Variants in KSR2 observed in about 807,000 individuals in gnomAD.
The protein encoded by KSR2 is kinase suppressor of ras 2.
KSR2 carries 25 observed loss-of-function variants against 107.8 expected under a neutral mutation model. The ratio of observed to expected loss-of-function variants is 0.23; its 90% CI spans 0.17 to 0.32. The LOEUF (loss-of-function observed/expected upper bound fraction) is 0.32. Ranked by LOEUF, KSR2 falls within the 10% of genes least tolerant of loss-of-function variation. KSR2 has a pLI of 1.00. For synonymous variants in KSR2, 480 were observed against 507.0 expected, an observed-to-expected ratio of 0.95 and a Z score of 0.71; for missense variants, 887 against 1,268.9, an observed-to-expected ratio of 0.70 and a Z score of 4.57.
intron 15 of KSR2, 84 bp downstream of exon 15, chr12:117,485,511 T>G (rs965965989): frequency 1.6e-5 from 16 of 992,002 alleles, no homozygotes; most frequent in Non-Finnish European, 2.5e-5. Context: ...CCATGAATCT[T>G]AGGAGCCCTG....
intron 5 of KSR2, among the ~76,000 whole-genome samples, chr12:117,596,052 T>G (rs954638679): frequency 5.4e-5 from 8 of 147,670 alleles, no homozygotes; most frequent in Non-Finnish European, 8.9e-5. Flanking sequence ...CTTTTTCCCT[T>G]CCCTCCCCTC....
chr12:117,816,114 C>G (rs562006657), intron 3 of KSR2, among the ~76,000 whole-genome samples: 1 of 150,960 alleles, frequency 6.6e-6, no homozygotes, highest in East Asian at 2.0e-4. Flanking sequence ...TGATCTTGGG[C>G]AGGAGTTTGT....
At chr12:117,918,068 G>A (rs1053149921) in intron 1 of KSR2, among the ~76,000 whole-genome samples, 2 of 152,142 alleles carry the variant, frequency 1.3e-5, no homozygotes, top group African/African-American at 2.4e-5. Context: ...TCCTCAGACT[G>A]AGGTCATGGC....
At chr12:117,763,270 T>C (rs1047381959) in intron 3 of KSR2, among the ~76,000 whole-genome samples, 2 of 152,104 alleles carry the variant, frequency 1.3e-5, no homozygotes, top group African/African-American at 4.8e-5. Flanking sequence ...TGTGCCACAT[T>C]TTCTTAATCC....
intron 1 of KSR2, among the ~76,000 whole-genome samples, chr12:117,929,305 A>T (rs944249101): frequency 1.3e-5 from 2 of 152,198 alleles, no homozygotes; most frequent in Non-Finnish European, 2.9e-5. Flanking sequence ...GAGATAATTG[A>T]ATCATGGGGG....
intron 3 of KSR2, among the ~76,000 whole-genome samples, chr12:117,774,546 C>T (rs77642513): frequency 6.6e-6 from 1 of 152,114 alleles, no homozygotes; most frequent in African/African-American, 2.4e-5. Flanking sequence ...ATGCCTCCCA[C>T]GTCCTGCTCT....
At chr12:117,853,228 T>C (rs1312661204) in intron 3 of KSR2, among the ~76,000 whole-genome samples, 4 of 152,104 alleles carry the variant, frequency 2.6e-5, no homozygotes, top group Non-Finnish European at 5.9e-5. Context: ...ATAGGAAAAA[T>C]ATGGATATTT....
At chr12:117,849,821 T>C (rs1892851153) in intron 3 of KSR2, among the ~76,000 whole-genome samples, 1 of 152,234 alleles carries the variant, frequency 6.6e-6, no homozygotes, top group Non-Finnish European at 1.5e-5. Flanking sequence ...TTGGTCTCCA[T>C]ATGAGTTCCT....
chr12:117,866,547 C>CGG (rs1321657057), intron 1 of KSR2, among the ~76,000 whole-genome samples: 28 of 152,248 alleles, frequency 1.8e-4, no homozygotes, highest in Admixed American at 7.2e-4. Context: ...TGAGTTGATT[C>CGG]GGCCGGACAC....
chr12:117,593,387 A>C (rs1880437461), intron 5 of KSR2, among the ~76,000 whole-genome samples: 1 of 152,222 alleles, frequency 6.6e-6, no homozygotes. Context: ...TGATAGGTGC[A>C]GGGCAGGGGG....
At chr12:117,746,358 C>T (rs1888403710) in intron 4 of KSR2, among the ~76,000 whole-genome samples, 2 of 152,058 alleles carry the variant, frequency 1.3e-5, no homozygotes, top group African/African-American at 2.4e-5. Context: ...ATAAATGGTA[C>T]TAGGAAAACT....
chr12:117,933,574 A>G (rs1000391312), intron 1 of KSR2, among the ~76,000 whole-genome samples: 5 of 151,066 alleles, frequency 3.3e-5, no homozygotes, highest in African/African-American at 7.3e-5. Flanking sequence ...CCTGGGTGAC[A>G]GAGCAAGAGT....
At chr12:117,482,226 A>AG (rs1231995745) in intron 16 of KSR2, among the ~76,000 whole-genome samples, 1 of 151,906 alleles carries the variant, frequency 6.6e-6, no homozygotes, top group Admixed American at 6.6e-5. Context: ...TCAGCCCCCC[A>AG]GATGTTTCAG....
At chr12:117,739,151 T>A (rs543579282) in intron 4 of KSR2, among the ~76,000 whole-genome samples, 2 of 152,104 alleles carry the variant, frequency 1.3e-5, no homozygotes, top group Non-Finnish European at 2.9e-5. Context: ...GTCAGGAGAC[T>A]GAGACTATCC....
intron 9 of KSR2, among the ~76,000 whole-genome samples, chr12:117,546,462 T>C (rs1373424812): frequency 6.6e-6 from 1 of 152,258 alleles, no homozygotes; most frequent in African/African-American, 2.4e-5. Context: ...TGAATTGACC[T>C]TCTTTGACGT....
chr12:117,903,929 T>C (rs1894764197), intron 1 of KSR2, among the ~76,000 whole-genome samples: 1 of 151,902 alleles, frequency 6.6e-6, no homozygotes, highest in African/African-American at 2.4e-5. Context: ...AGGCCAGGAG[T>C]TCAAGGCTGC....
At chr12:117,851,405 G>A (rs1892918539) in intron 3 of KSR2, among the ~76,000 whole-genome samples, 1 of 152,146 alleles carries the variant, frequency 6.6e-6, no homozygotes, top group Non-Finnish European at 1.5e-5. Context: ...ACTGGGCAAT[G>A]ACAAGGCGAA....
chr12:117,789,207 C>A (rs931156675), intron 3 of KSR2, among the ~76,000 whole-genome samples: 1 of 152,206 alleles, frequency 6.6e-6, no homozygotes, highest in Non-Finnish European at 1.5e-5. Flanking sequence ...CTTTTCTTCT[C>A]ACTCCGTAAA....
At chr12:117,841,619 C>G (rs1466872145) in intron 3 of KSR2, among the ~76,000 whole-genome samples, 2 of 152,188 alleles carry the variant, frequency 1.3e-5, no homozygotes, top group African/African-American at 2.4e-5. Context: ...AAGGGTTGCT[C>G]CCTCAAGCTG....
Sources: allele counts gnomAD v4.1 joint callset (sites outside exome capture counted in the v4.1 genomes callset), GRCh38; gene constraint gnomAD v4.1.1; transcripts MANE v1.5; gene names NCBI Gene and HGNC (gene_info 2026-07-23, HGNC 2026-07-21).